The following TMPRSS11A variants were observed in gnomAD, a reference collection of about 807,000 sequenced individuals.
The protein encoded by TMPRSS11A is transmembrane serine protease 11A.
Under a neutral mutation model 58.9 loss-of-function variants are expected in TMPRSS11A, and 53 were observed. That is an observed-to-expected ratio of 0.90 (90% CI 0.72 to 1.13). The LOEUF is 1.13. Among genes scored for constraint, TMPRSS11A ranks in the 50% most tolerant of loss-of-function variants. The probability of loss-of-function intolerance (pLI) is 0.00; values close to 1 mark genes in which losing one functional copy is unlikely to be tolerated. For synonymous variants in TMPRSS11A, 167 were observed against 169.8 expected (o/e 0.98, Z 0.13); for missense variants, 493 against 499.3 (o/e 0.99, Z 0.12).
At chr4:67,959,918 G>A (rs76644640) in intron 1 of TMPRSS11A, among the ~76,000 whole-genome samples, 8 of 152,060 alleles carry the variant, frequency 5.3e-5, no homozygotes, top group African/African-American at 1.9e-4. Flanking sequence ...AATCAGCCTA[G>A]GTGCCCATCA....
intron 1 of TMPRSS11A, among the ~76,000 whole-genome samples, chr4:67,953,902 A>G (rs1721220372): frequency 6.6e-6 from 1 of 152,246 alleles, no homozygotes; most frequent in Admixed American, 6.5e-5. Flanking sequence ...AGATAGGTCA[A>G]CACAAGAGGA....
intron 8 of TMPRSS11A, among the ~76,000 whole-genome samples, chr4:67,915,614 CTA>C (rs1425156387): frequency 6.6e-6 from 1 of 152,208 alleles, no homozygotes; most frequent in Non-Finnish European, 1.5e-5. Flanking sequence ...TGGGCCTGAC[CTA>C]ATCAGCTGAG....
At position 67,940,625 on chromosome 4, in the gene TMPRSS11A, C is replaced by T. The variant is rs556068933; in HGVS notation, c.252+3894G>A. Among the ~76,000 whole-genome samples the T allele has an allele frequency of 8.5e-5, 13 of 152,140 alleles. No homozygotes were observed. The South Asian group carries it at 2.3e-3, about 27-fold the overall frequency. The stretch of plus-strand genomic sequence containing the variant: ...TTCTGATCGTGCTTATTTGTATCTT[C>T]TTTCTCTTTTTTTCTTTGTTAATCT... On this transcript the variant is annotated intron_variant, in intron 3 of 9. Coordinates refer to ENST00000508048, the MANE Select transcript of TMPRSS11A (RefSeq NM_001114387.2).
At chr4:67,955,241 A>T (rs1721258197) in intron 1 of TMPRSS11A, among the ~76,000 whole-genome samples, 2 of 152,226 alleles carry the variant, frequency 1.3e-5, no homozygotes, top group Non-Finnish European at 2.9e-5. Context: ...AATTAGTACA[A>T]TATTAAAAAT....
At chr4:67,951,244 A>G (rs1485577648) in intron 1 of TMPRSS11A, among the ~76,000 whole-genome samples, 3 of 152,250 alleles carry the variant, frequency 2.0e-5, no homozygotes, top group African/African-American at 7.2e-5. Context: ...GCTGTCAATG[A>G]AAACATGGTA....
chr4:67,911,926 C>A (rs545902526), intron 9 of TMPRSS11A, among the ~76,000 whole-genome samples: 3 of 152,186 alleles, frequency 2.0e-5, no homozygotes, highest in African/African-American at 7.2e-5. Flanking sequence ...TTTATTTTCT[C>A]TTACGTAGTT....
At chr4:67,941,595 C>A (rs1224076773) in intron 3 of TMPRSS11A, among the ~76,000 whole-genome samples, 1 of 152,018 alleles carries the variant, frequency 6.6e-6, no homozygotes, top group African/African-American at 2.4e-5. Flanking sequence ...GACCCAGGTG[C>A]CAAGAAATGC....
intron 1 of TMPRSS11A, among the ~76,000 whole-genome samples, chr4:67,961,469 T>G: frequency 6.8e-6 from 1 of 147,488 alleles, no homozygotes; most frequent in East Asian, 2.0e-4. Flanking sequence ...TTTCTTTCCT[T>G]TCCTTTTCTT....
chr4:67,921,172 A>G (rs1720318524), intron 7 of TMPRSS11A, among the ~76,000 whole-genome samples: 1 of 152,226 alleles, frequency 6.6e-6, no homozygotes. Flanking sequence ...TTGCAAAAAT[A>G]GAACTATCTA....
intron 1 of TMPRSS11A, among the ~76,000 whole-genome samples, chr4:67,951,106 A>G (rs1721146545): frequency 6.6e-6 from 1 of 152,242 alleles, no homozygotes; most frequent in Non-Finnish European, 1.5e-5. Context: ...CATTATCCTT[A>G]CTCAGAGTAA....
intron 3 of TMPRSS11A, among the ~76,000 whole-genome samples, chr4:67,933,009 G>A (rs978679036): frequency 6.6e-6 from 1 of 151,772 alleles, no homozygotes; most frequent in African/African-American, 2.4e-5. Context: ...TGTGGGTAAG[G>A]TACTACAGTT....
chr4:67,947,160 A>G (rs9312192), intron 1 of TMPRSS11A, among the ~76,000 whole-genome samples: 15,690 of 152,082 alleles, frequency 0.1, 2,534 homozygotes, highest in African/African-American at 0.34. Context: ...TTACCAAATC[A>G]TTATTATAGA....
chr4:67,947,640 A>G (rs890753635), intron 1 of TMPRSS11A, among the ~76,000 whole-genome samples: 1 of 152,200 alleles, frequency 6.6e-6, no homozygotes, highest in African/African-American at 2.4e-5. Flanking sequence ...ATATTGCATC[A>G]CACCAGGGAT....
chr4:67,931,694 G>T (rs557338716), intron 4 of TMPRSS11A, among the ~76,000 whole-genome samples: 1 of 152,308 alleles, frequency 6.6e-6, no homozygotes, highest in Admixed American at 6.5e-5. Flanking sequence ...CACGTCATGG[G>T]TTCTGGTAGG....
At chr4:67,911,709 G>C (rs554793161) in intron 9 of TMPRSS11A, among the ~76,000 whole-genome samples, 2 of 152,092 alleles carry the variant, frequency 1.3e-5, no homozygotes, top group African/African-American at 4.8e-5. Context: ...AATTTATTTT[G>C]TTAGAGTAAA....
At chr4:67,936,088 C>G (rs1720745563) in intron 3 of TMPRSS11A, among the ~76,000 whole-genome samples, 1 of 152,046 alleles carries the variant, frequency 6.6e-6, no homozygotes, top group Non-Finnish European at 1.5e-5. Flanking sequence ...AAACCAGGGC[C>G]ATGTAGCTTC....
At position 67,930,191 on chromosome 4, in the gene TMPRSS11A, C is replaced by A. The variant is rs529960604; in HGVS notation, c.321-151G>T. On this transcript the variant is annotated intron_variant, in intron 4 of 9. Coordinates refer to ENST00000508048, the MANE Select transcript of TMPRSS11A (RefSeq NM_001114387.2). The stretch of plus-strand genomic sequence containing the variant: ...ATGTCATTCTGACCCAAGGTCATTT[C>A]ATATGTTCCCTCTTCTAGCTTTCAT... The A allele has an allele frequency of 9.3e-6, 5 of 540,506 alleles. No individual in the cohort carries two copies. In the South Asian group the frequency reaches 1.6e-4, roughly 17 times the overall value. The allele number at this position is 540,506 out of a possible 1,614,324, so 33.5% of individuals were successfully genotyped here.
chr4:67,923,001 T>A lies in TMPRSS11A; in HGVS notation c.521-75A>T, dbSNP rs2119382. Reference sequence around the variant, plus strand: ...GGAAATGACCCCATTCTTACTTGCCTGAAGACATTTTCGTATACTACTCCT... The same window carrying A: ...GGAAATGACCCCATTCTTACTTGCCAGAAGACATTTTCGTATACTACTCCT... On this transcript the variant is annotated intron_variant, in intron 6 of 9. Coordinates refer to ENST00000508048, the MANE Select transcript of TMPRSS11A (RefSeq NM_001114387.2). The A allele has an allele frequency of 8.8e-6, 13 of 1,480,228 alleles. 1 individual carries two copies. The East Asian group carries it at 2.5e-4, about 29-fold the overall frequency. The allele number at this position is 1,480,228 out of a possible 1,614,324, so 91.7% of individuals were successfully genotyped here.
chr4:67,934,229 G>C (rs1720698582), intron 3 of TMPRSS11A, among the ~76,000 whole-genome samples: 1 of 152,116 alleles, frequency 6.6e-6, no homozygotes, highest in African/African-American at 2.4e-5. Context: ...TTGAGAAATG[G>C]GGCAGAGGGA....
Sources: gnomAD v4.1 joint callset for allele counts (sites outside exome capture counted in the v4.1 genomes callset) on GRCh38, gnomAD v4.1.1 for gene constraint, MANE v1.5 for transcripts, NCBI Gene and HGNC (gene_info 2026-07-23, HGNC 2026-07-21) for gene names.